The following GNB1L variants were observed in gnomAD, a reference collection of about 807,000 sequenced individuals.
GNB1L encodes the protein G protein subunit beta 1 like, also known as guanine nucleotide-binding protein subunit beta-like protein 1.
Under a neutral mutation model 29.1 loss-of-function variants are expected in GNB1L, and 20 were observed. That is an observed-to-expected ratio of 0.69 (90% CI 0.48 to 1.00). The LOEUF (loss-of-function observed/expected upper bound fraction) is 1.00, where lower values mean the gene tolerates loss of function less well. Ranked by LOEUF, GNB1L falls within the 50% of genes least tolerant of loss-of-function variation. The probability of loss-of-function intolerance (pLI) is 0.00; values close to 1 mark genes in which losing one functional copy is unlikely to be tolerated. For missense variants in GNB1L, 421 were observed against 464.9 expected, an observed-to-expected ratio of 0.91 and a Z score of 0.87; for synonymous variants, 193 against 206.5, an observed-to-expected ratio of 0.93 and a Z score of 0.56.
At chr22:19,801,598 C>T (rs553219818) in intron 7 of GNB1L, among the ~76,000 whole-genome samples, 5 of 151,920 alleles carry the variant, frequency 3.3e-5, no homozygotes, top group African/African-American at 7.3e-5. Flanking sequence ...TGGCCTCCCT[C>T]GGGCCAGCTC....
chr22:19,786,898 TC>T lies in GNB1L; in HGVS notation c.*1810del, dbSNP rs1333811913. On this transcript the variant is annotated 3_prime_UTR_variant, in exon 8 of 8. Transcript: ENST00000329517. ...ACGCATCCTGGCGGCTATAGGACAC[TC>T]GAGGAAAAGCAGCAGGGCCCCCCTC... 6.6e-6 allele frequency: 1 copy of T among 152,164 alleles called. No individual in the cohort carries two copies. The highest frequency in any genetic ancestry group is 1.5e-5 in the Non-Finnish European group (1 of 68,058). 9.4% of individuals were successfully genotyped at this position (152,164 alleles called of 1,614,324 possible).
Position 19,785,819 on chromosome 22 carries a change from T to C in GNB1L, c.*2890A>G, listed in dbSNP as rs1293658912. ...TCAGGTGCATCTTTTCCAAGCTGGA[T>C]GTCTGGAGCTGAGACCGTTTCTTCT... On this transcript the variant is annotated 3_prime_UTR_variant, in exon 8 of 8. Coordinates refer to ENST00000329517, the MANE Select transcript of GNB1L (RefSeq NM_053004.3). The surrounding 1 kb of genome is among the most constrained non-coding windows in gnomAD (Gnocchi z 4.1). The C allele has an allele frequency of 6.8e-6, 1 of 147,412 alleles. No individual in the cohort carries two copies. The allele number at this position is 147,412 out of a possible 1,614,324, so 9.1% of individuals were successfully genotyped here.
At position 19,821,265 on chromosome 22, in the gene GNB1L, C is replaced by T; in HGVS notation, c.91G>A (p.Gly31Arg). ...AGCGGGCGCCCCTGAGCCTGGGCTC[C>T]TTCGCAGAAGTGCAGCGCATGCACC... The part of the protein sequence containing the change: ...SPVHALHFCE[G>R]AQAQGRPLLF... The change falls in exon 3 of 8, where the codon GGA becomes AGA. Residue 31 changes from glycine (G) to arginine (R), a missense_variant. Physicochemically the swap from Gly to Arg is moderately radical, Grantham distance 125. Transcript: ENST00000329517. The T allele has an allele frequency of 6.2e-7, 1 of 1,613,062 alleles. No individual in the cohort carries two copies. Among genetic ancestry groups the T allele is most frequent in the Non-Finnish European group, 8.5e-7 (1 of 1,179,606 alleles).
chr22:19,825,865 G>A (rs1035357915), intron 2 of GNB1L, among the ~76,000 whole-genome samples: 1 of 152,032 alleles, frequency 6.6e-6, no homozygotes, highest in Non-Finnish European at 1.5e-5. Context: ...GGCTGAGGTG[G>A]GAGAATCATT....
In GNB1L at chr22:19,806,877, C is replaced by T. The variant is rs551507910; in HGVS notation, c.418-120G>A. On this transcript the variant is annotated intron_variant, in intron 5 of 7. Coordinates refer to ENST00000329517, the MANE Select transcript of GNB1L (RefSeq NM_053004.3). ...GTGAGTTTCTGTCTGCTCCCCTCCC[C>T]GTGGGCACCTGGGAGCCCAGGCTCC... 9.5e-4 allele frequency: 733 copies of T among 770,266 alleles called. 2 individuals carry two copies. The African/African-American group carries it at 0.011, about 11-fold the overall frequency. 47.7% of individuals were successfully genotyped at this position (770,266 alleles called of 1,614,324 possible). A position where few individuals can be genotyped will look rare whatever the true frequency, so the allele number is the denominator to read the frequency against.
chr22:19,799,269 A>G (rs895290039), intron 7 of GNB1L, among the ~76,000 whole-genome samples: 3 of 152,180 alleles, frequency 2.0e-5, no homozygotes, highest in Non-Finnish European at 4.4e-5. Flanking sequence ...TGGGAGGGAG[A>G]GGGCCTGCGT....
chr22:19,827,009 C>A (rs963042212), intron 2 of GNB1L, among the ~76,000 whole-genome samples: 1 of 151,914 alleles, frequency 6.6e-6, no homozygotes, highest in African/African-American at 2.4e-5. Context: ...GCATGATGAC[C>A]AAACATGACA....
chr22:19,820,283 C>A (rs1258082451), intron 4 of GNB1L, among the ~76,000 whole-genome samples: 1 of 152,226 alleles, frequency 6.6e-6, no homozygotes, highest in Non-Finnish European at 1.5e-5. Flanking sequence ...TGAAGGCCCT[C>A]CCACCAACTT....
In GNB1L at chr22:19,810,963, C is replaced by T. The variant is rs561679788; in HGVS notation, c.417+1322G>A. Among the ~76,000 whole-genome samples, 4 of 152,286 alleles carry T rather than the reference C, an allele frequency of 2.6e-5. No individual in the cohort carries two copies. In the South Asian group the frequency reaches 6.2e-4, roughly 24 times the overall value. ...CGCAGGCTGACCGAGTGCTGGCTGG[C>T]GGCCTGGGGGTGGCCGAGACCAGCG... On this transcript the variant is annotated intron_variant, in intron 5 of 7. Transcript: ENST00000329517.
At position 19,788,744 on chromosome 22, in the gene GNB1L, G is replaced by A. The variant is rs747816714; in HGVS notation, c.949C>T (p.Arg317Trp). 29 of 1,611,170 alleles carry A rather than the reference G, an allele frequency of 1.8e-5. No individual in the cohort carries two copies. Among genetic ancestry groups the A allele is most frequent in the Middle Eastern group, 1.6e-4 (1 of 6,080 alleles). ...GLLAAGSKDQ[R>W]ISLWSLYPRA The stretch of plus-strand genomic sequence containing the variant: ...GGGTAGAGTGACCAGAGGCTGATCC[G>A]CTGATCCTTGGAGCCCGCGGCCAGC... The change falls in exon 8 of 8, where the codon CGG (arginine) becomes TGG (tryptophan). Residue 317 changes from arginine to tryptophan, a missense_variant. Physicochemically the swap from Arg to Trp is moderately radical, Grantham distance 101. Coordinates refer to ENST00000329517, the MANE Select transcript of GNB1L (RefSeq NM_053004.3).
chr22:19,811,635 C>T (rs138243055), intron 5 of GNB1L, among the ~76,000 whole-genome samples: 3 of 152,236 alleles, frequency 2.0e-5, no homozygotes, highest in Non-Finnish European at 2.9e-5. Flanking sequence ...GTTACCAACA[C>T]CTCTGGTCAT....
At chr22:19,794,486 A>C (rs1361640212) in intron 7 of GNB1L, among the ~76,000 whole-genome samples, 1 of 152,226 alleles carries the variant, frequency 6.6e-6, no homozygotes, top group Non-Finnish European at 1.5e-5. Context: ...TCTAGCTAAG[A>C]AGCCAAGAGA....
Position 19,821,448 on chromosome 22 carries a change from G to C in GNB1L, c.-20-73C>G, listed in dbSNP as rs571108990. On this transcript the variant is annotated intron_variant, in intron 2 of 7. Transcript: ENST00000329517. ...CCTCTAGGAAGGCTGCTCAGGCACA[G>C]GGGTGCTTGAGATGTTGCCCCTGCT... 17 of 1,427,228 alleles carry C rather than the reference G, an allele frequency of 1.2e-5. No individual in the cohort carries two copies. In the East Asian group the frequency reaches 2.8e-4, roughly 23 times the overall value. The allele number at this position is 1,427,228 out of a possible 1,614,324, so 88.4% of individuals were successfully genotyped here.
intron 2 of GNB1L, among the ~76,000 whole-genome samples, chr22:19,843,329 T>C (rs1601350895): frequency 6.6e-6 from 1 of 152,252 alleles, no homozygotes; most frequent in African/African-American, 2.4e-5. Context: ...GTATCCGCCT[T>C]TGGAAGCGCC....
At chr22:19,814,941 T>C (rs1937519128) in intron 4 of GNB1L, among the ~76,000 whole-genome samples, 1 of 151,232 alleles carries the variant, frequency 6.6e-6, no homozygotes, top group Admixed American at 6.6e-5. Context: ...GGGGCTGAGG[T>C]AGGAGAATTG....
At chr22:19,847,941 C>T (rs1476745653) in intron 2 of GNB1L, 1 of 985,094 alleles carries the variant, frequency 1.0e-6, no homozygotes, top group Non-Finnish European at 1.2e-6. Flanking sequence ...TTCCAGAGGG[C>T]CAACTGCTTT....
chr22:19,850,733 C>A (rs1270392445), intron 2 of GNB1L: 13 of 1,240,154 alleles, frequency 1.0e-5, no homozygotes, highest in Non-Finnish European at 8.1e-6. Flanking sequence ...CACAGAAACC[C>A]CATACAGGAA....
chr22:19,788,592 G>T lies in GNB1L; in HGVS notation c.*117C>A. 7.7e-7 allele frequency: 1 copy of T among 1,290,956 alleles called. No individual in the cohort carries two copies. Among genetic ancestry groups the T allele is most frequent in the Admixed American group, 1.7e-5 (1 of 59,592 alleles). 80.0% of individuals were successfully genotyped at this position (1,290,956 alleles called of 1,614,324 possible). ...TCATGAAGACAGCGGGGACTCCATGGTCCTTGGGCCATGACTTGCTGGTCC... is the reference window on the plus strand; with the variant it reads ...TCATGAAGACAGCGGGGACTCCATGTTCCTTGGGCCATGACTTGCTGGTCC... On this transcript the variant is annotated 3_prime_UTR_variant, in exon 8 of 8. Coordinates refer to ENST00000329517, the MANE Select transcript of GNB1L (RefSeq NM_053004.3).
intron 7 of GNB1L, among the ~76,000 whole-genome samples, chr22:19,800,988 CA>C (rs1409831853): frequency 6.6e-6 from 1 of 152,220 alleles, no homozygotes; most frequent in Non-Finnish European, 1.5e-5. Context: ...GGGCTGCGGG[CA>C]AGTCTGCCCT....
Sources: allele counts gnomAD v4.1 joint callset (sites outside exome capture counted in the v4.1 genomes callset), GRCh38; gene constraint gnomAD v4.1.1; non-coding constraint Gnocchi (gnomAD v3.1); transcripts MANE v1.5; gene names NCBI Gene and HGNC (gene_info 2026-07-23, HGNC 2026-07-21).